UBR4: variants seen among roughly 807,000 people sequenced by gnomAD.
UBR4 encodes the protein E3 ubiquitin-protein ligase UBR4.
In UBR4, 124 loss-of-function variants were observed where a neutral mutation model predicts 575.6. The observed-to-expected ratio is 0.22, with a 90% CI of 0.19 to 0.25. The LOEUF is 0.25. Among genes scored for constraint, UBR4 ranks in the 10% least tolerant of loss-of-function variants. UBR4 has a pLI of 1.00. For missense variants in UBR4, 4,818 were observed against 6,478.8 expected (o/e 0.74, Z 8.80); for synonymous variants, 2,455 against 2,473.7 (o/e 0.99, Z 0.22).
At chr1:19,203,718 G>A (rs1001954336) in intron 1 of UBR4, among the ~76,000 whole-genome samples, 1 of 152,098 alleles carries the variant, frequency 6.6e-6, no homozygotes, top group Non-Finnish European at 1.5e-5. Flanking sequence ...GGATAAATGG[G>A]TATGTATCAA....
In UBR4 at chr1:19,105,118, G is replaced by C. The variant is rs781504719; in HGVS notation, c.12575C>G (p.Thr4192Ser). Residue 4192 changes from threonine to serine, a missense_variant, in exon 85 of 106, where the codon ACT (threonine) becomes AGT (serine). By Grantham distance (58) the Thr-to-Ser change is moderately conservative. Coordinates refer to ENST00000375254, the MANE Select transcript of UBR4 (RefSeq NM_020765.3). ...EYLALYQKLI[T>S]SAHWKVYLAA... ...CAAGTAGACTTTCCAGTGCGCAGAA[G>C]TGATGAGCTTCTGGTAGAGAGCCAG... 6.2e-7 allele frequency: 1 copy of C among 1,614,136 alleles called. No individual in the cohort carries two copies. The highest frequency in any genetic ancestry group is 8.5e-7 in the Non-Finnish European group (1 of 1,180,012).
At chr1:19,077,347 G>A (rs915043102) in intron 104 of UBR4, among the ~76,000 whole-genome samples, 2 of 152,198 alleles carry the variant, frequency 1.3e-5, no homozygotes, top group East Asian at 3.8e-4. Context: ...CCAATAGCAC[G>A]GCAAGAGCAG....
Position 19,117,290 on chromosome 1 carries a change from T to C in UBR4, c.10754A>G (p.Lys3585Arg). Reference protein sequence around the residue: ...TVKIGDLKRTKMVRTINLYYN... With the variant: ...TVKIGDLKRTRMVRTINLYYN... ...ATACAGGTTGATGGTCCGCACCATC[T>C]TGGTCCGTTTCAGATCCCCGATTTT... Residue 3585 changes from lysine to arginine, a missense_variant, in exon 73 of 106, where the codon AAG (lysine) becomes AGG (arginine). Coordinates refer to ENST00000375254, the MANE Select transcript of UBR4 (RefSeq NM_020765.3). This position sits in a 1 kb window ranked among gnomAD's most constrained non-coding sequence, Gnocchi z 4.0. 3.1e-6 allele frequency: 5 copies of C among 1,614,218 alleles called. No individual in the cohort carries two copies. Among genetic ancestry groups the C allele is most frequent in the Non-Finnish European group, 4.2e-6 (5 of 1,180,040 alleles).
intron 60 of UBR4, among the ~76,000 whole-genome samples, chr1:19,136,883 G>A (rs563608387): frequency 3.3e-5 from 5 of 152,160 alleles, no homozygotes; most frequent in South Asian, 2.1e-4. Context: ...GATGTTAAGC[G>A]GCTTACGTTC....
intron 85 of UBR4, 87 bp downstream of exon 85, chr1:19,104,961 A>G: frequency 6.6e-7 from 1 of 1,526,232 alleles, no homozygotes; most frequent in Non-Finnish European, 8.8e-7. Flanking sequence ...CAGCAAAAAC[A>G]AACAAACAAA....
chr1:19,154,070 TC>T, intron 44 of UBR4, 131 bp from the exon 45 acceptor site: 1 of 1,016,230 alleles, frequency 9.8e-7, no homozygotes, highest in Non-Finnish European at 1.4e-6. Context: ...ACTCAGATTA[TC>T]CACAGGTTAG....
At chr1:19,190,026 C>T (rs1436252634) in intron 11 of UBR4, among the ~76,000 whole-genome samples, 1 of 151,980 alleles carries the variant, frequency 6.6e-6, no homozygotes, top group East Asian at 1.9e-4. Context: ...TTGGCTCATG[C>T]CTGTAATCCC....
chr1:19,182,177 T>A (rs1056138293), intron 17 of UBR4, among the ~76,000 whole-genome samples: 2 of 152,232 alleles, frequency 1.3e-5, no homozygotes, highest in Non-Finnish European at 2.9e-5. Context: ...TATGGCTGGA[T>A]GTTTTGTTTA....
Position 19,149,169 on chromosome 1 carries a change from A to G in UBR4, c.7431-543T>C, listed in dbSNP as rs576931115. ...AGGGGTAAATACAAAGCATCTTTAG[A>G]AAACTTTTCCCCTTAGGAAAGGAAT... On this transcript the variant is annotated intron_variant, in intron 49 of 105. Coordinates refer to ENST00000375254, the MANE Select transcript of UBR4 (RefSeq NM_020765.3). 2.6e-5 allele frequency among the ~76,000 whole-genome samples: 4 copies of G among 152,220 alleles called. No individual in the cohort carries two copies. The South Asian group carries it at 8.3e-4, about 31-fold the overall frequency.
At chr1:19,075,888 A>G (rs2075884765) in intron 105 of UBR4, among the ~76,000 whole-genome samples, 1 of 152,228 alleles carries the variant, frequency 6.6e-6, no homozygotes, top group Admixed American at 6.5e-5. Flanking sequence ...CAAAATTCCC[A>G]CAACGAATGC....
chr1:19,100,487 G>A lies in UBR4; in HGVS notation c.13110C>T (p.Asn4370=), dbSNP rs1311423634. 1 of 1,614,080 alleles carries A rather than the reference G, an allele frequency of 6.2e-7. No individual in the cohort carries two copies. The highest frequency in any genetic ancestry group is 8.5e-7 in the Non-Finnish European group (1 of 1,180,012). Residue 4370 remains asparagine, a synonymous_variant, in exon 89 of 106, where the codon AAC becomes AAT. Transcript: ENST00000375254. The surrounding 1 kb of genome is among the most constrained non-coding windows in gnomAD (Gnocchi z 4.2). ...TGCCTGGCTCATTGCTGCTATACGG[G>A]TTCCCAGGCATCCTGCCCTGTAAGA... ...EDFLQGRMPG[N]PYSSNEPGIG...
intron 11 of UBR4, among the ~76,000 whole-genome samples, chr1:19,191,493 C>G (rs2092078264): frequency 6.6e-6 from 1 of 151,900 alleles, no homozygotes; most frequent in Non-Finnish European, 1.5e-5. Context: ...ATAATAAAAG[C>G]CCCTATGACT....
intron 37 of UBR4, 74 bp downstream of exon 37, chr1:19,161,515 A>G (rs1462203647): frequency 6.6e-7 from 1 of 1,525,636 alleles, no homozygotes; most frequent in Non-Finnish European, 8.8e-7. Context: ...GGTGATGGGA[A>G]TTTTCCAGTT....
At position 19,164,277 on chromosome 1, in the gene UBR4, G is replaced by A; in HGVS notation, c.4676C>T (p.Ala1559Val). ...CCATCTGCTCAGCCAATCCACAGCA[G>A]CATTATGAAGCTGAAGGTGACCAGC... ...QGAGHLQLHN[A>V]AVDWLSRCKK... Residue 1559 changes from alanine to valine, a missense_variant, in exon 33 of 106, where the codon GCT becomes GTT. Ala to Val is a moderately conservative substitution (Grantham distance 64, BLOSUM62 0). Transcript: ENST00000375254. 1 of 1,613,938 alleles carries A rather than the reference G, an allele frequency of 6.2e-7. No individual in the cohort carries two copies. The highest frequency in any genetic ancestry group is 8.5e-7 in the Non-Finnish European group (1 of 1,179,860).
Position 19,076,722 on chromosome 1 carries a change from G to A in UBR4, c.15487+18C>T, listed in dbSNP as rs762711638. ...TTTGCTGCGGAGGATCTTTAAAAGAGAAAACCTTGACACTAACCGGCCACA... is the reference window on the plus strand; with the variant it reads ...TTTGCTGCGGAGGATCTTTAAAAGAAAAAACCTTGACACTAACCGGCCACA... On this transcript the variant is annotated intron_variant, in intron 105 of 105. Coordinates refer to ENST00000375254, the MANE Select transcript of UBR4 (RefSeq NM_020765.3). The A allele has an allele frequency of 1.2e-6, 2 of 1,614,000 alleles. No individual in the cohort carries two copies. Among genetic ancestry groups the A allele is most frequent in the African/African-American group, 2.7e-5 (2 of 74,906 alleles).
intron 25 of UBR4, among the ~76,000 whole-genome samples, chr1:19,171,300 T>G (rs775812242): frequency 1.6e-4 from 25 of 152,236 alleles, no homozygotes; most frequent in Non-Finnish European, 3.4e-4. Flanking sequence ...ACTGGCCTAT[T>G]AGGCCAGATT....
chr1:19,170,502 C>T (rs1369023405), intron 26 of UBR4, among the ~76,000 whole-genome samples: 1 of 152,152 alleles, frequency 6.6e-6, no homozygotes, highest in Non-Finnish European at 1.5e-5. Context: ...GGTTTGGATC[C>T]CAGCTCTATC....
chr1:19,207,485 C>T (rs1236439078), intron 1 of UBR4, among the ~76,000 whole-genome samples: 1 of 152,050 alleles, frequency 6.6e-6, no homozygotes, highest in Non-Finnish European at 1.5e-5. Context: ...AAAAATTAGC[C>T]GGGTCTGGTG....
At chr1:19,086,537 G>A in intron 100 of UBR4, 142 bp downstream of exon 100, 2 of 1,279,720 alleles carry the variant, frequency 1.6e-6, no homozygotes, top group South Asian at 1.4e-5. Flanking sequence ...AACTGCTTGG[G>A]GACCTATATG....
Sources: allele counts gnomAD v4.1 joint callset (sites outside exome capture counted in the v4.1 genomes callset), GRCh38; gene constraint gnomAD v4.1.1; non-coding constraint Gnocchi (gnomAD v3.1); transcripts MANE v1.5; gene names NCBI Gene and HGNC (gene_info 2026-07-23, HGNC 2026-07-21).